The following PATL2 variants were observed in gnomAD, a reference collection of about 807,000 sequenced individuals.
PATL2 encodes PAT1 homolog 2.
In PATL2, 73 loss-of-function variants were observed where a neutral mutation model predicts 77.0. The observed-to-expected ratio is 0.95, with a 90% CI of 0.78 to 1.15. PATL2 has a LOEUF of 1.15. PATL2 is among the 50% of genes most tolerant of loss of function. PATL2 has a pLI of 0.00. For synonymous variants in PATL2, 265 were observed against 257.1 expected, an observed-to-expected ratio of 1.03 and a Z score of -0.29; for missense variants, 618 against 655.4, an observed-to-expected ratio of 0.94 and a Z score of 0.62.
At position 44,710,240 on chromosome 15, in the gene PATL2, A is replaced by T. The variant is rs2086826617; in HGVS notation, c.-194-26T>A. ...CTAAAAATATGTAAAAGAAACCTAG[A>T]AGTTATTTGTTGTGCTCCTTGGGGA... On this transcript the variant is annotated intron_variant, in intron 2 of 17. Transcript: ENST00000682850. Among the ~76,000 whole-genome samples the T allele has an allele frequency of 4.6e-5, 7 of 152,218 alleles. No homozygotes were observed. In the South Asian group the frequency reaches 1.4e-3, roughly 32 times the overall value.
chr15:44,702,880 C>T (rs1454457043), intron 3 of PATL2, among the ~76,000 whole-genome samples: 1 of 152,030 alleles, frequency 6.6e-6, no homozygotes, highest in African/African-American at 2.4e-5. Context: ...TTTTTTAAGA[C>T]TTATTTTGTG....
chr15:44,666,538 T>C lies in PATL2; in HGVS notation c.1467A>G (p.Thr489=). 1 of 1,525,990 alleles carries C rather than the reference T, an allele frequency of 6.6e-7. No homozygotes were observed. Among genetic ancestry groups the C allele is most frequent in the Admixed American group, 2.3e-5 (1 of 43,936 alleles). The allele number at this position is 1,525,990 out of a possible 1,614,324, so 94.5% of individuals were successfully genotyped here. A position where few individuals can be genotyped will look rare whatever the true frequency, so the allele number is the denominator to read the frequency against. ...EEPNSDHTAW[T]DMVVLIAWEI... is the part of the protein sequence containing the mutation. ...CCCAGGCAATCAGAACCACCATGTCTGTCCTAGAGAGCATAAATATAAATA... is the reference window on the plus strand; with the variant it reads ...CCCAGGCAATCAGAACCACCATGTCCGTCCTAGAGAGCATAAATATAAATA... Residue 489 remains threonine, a synonymous_variant, in exon 17 of 18, where the codon ACA becomes ACG. Coordinates refer to ENST00000682850, the MANE Select transcript of PATL2 (RefSeq NM_001387263.1).
At chr15:44,668,258 G>C in intron 15 of PATL2, 84 bp downstream of exon 15, 2 of 1,417,170 alleles carry the variant, frequency 1.4e-6, no homozygotes, top group Non-Finnish European at 1.9e-6. Flanking sequence ...TTTGTGTAGA[G>C]ATGAGACTGT....
intron 11 of PATL2, 75 bp from the exon 12 acceptor site, chr15:44,669,638 G>T: frequency 6.6e-7 from 1 of 1,521,928 alleles, no homozygotes; most frequent in South Asian, 1.2e-5. Context: ...CAACTAGCTA[G>T]AGATTGAGCT....
chr15:44,666,983 T>C (rs1046076741), intron 16 of PATL2, 123 bp downstream of exon 16: 2 of 759,852 alleles, frequency 2.6e-6, no homozygotes, highest in East Asian at 2.7e-5. Context: ...ACAACACTGC[T>C]ACTACTTTCT....
chr15:44,672,495 C>T lies in PATL2; in HGVS notation c.447-39G>A, dbSNP rs117505434. The T allele has an allele frequency of 8.9e-3, 13,501 of 1,514,374 alleles. 79 individuals carry two copies. Among genetic ancestry groups the T allele is most frequent in the Non-Finnish European group, 0.011 (11,741 of 1,113,596 alleles). The allele number at this position is 1,514,374 out of a possible 1,614,324, so 93.8% of individuals were successfully genotyped here. A position where few individuals can be genotyped will look rare whatever the true frequency, so the allele number is the denominator to read the frequency against. On this transcript the variant is annotated intron_variant, in intron 7 of 17. Transcript: ENST00000682850. ...AAGTAACGAGCTGGGTGGAAGGAAG[C>T]TCTCAGTTCTCTGCCCCCTCCATTC...
intron 5 of PATL2, 43 bp downstream of exon 5, chr15:44,675,443 A>G: frequency 4.0e-6 from 6 of 1,517,020 alleles, no homozygotes; most frequent in Non-Finnish European, 5.3e-6. Context: ...TGAGCCACAG[A>G]CAGTTCAGGA....
chr15:44,692,867 G>C (rs1233819120), intron 3 of PATL2, among the ~76,000 whole-genome samples: 1 of 152,274 alleles, frequency 6.6e-6, no homozygotes, highest in Non-Finnish European at 1.5e-5. Context: ...AGCACTGCCA[G>C]GACTCTGGCC....
intron 3 of PATL2, among the ~76,000 whole-genome samples, chr15:44,679,785 T>C (rs1595975205): frequency 6.6e-6 from 1 of 152,174 alleles, no homozygotes; most frequent in Non-Finnish European, 1.5e-5. Context: ...TAAAGAACCA[T>C]GTATGTCAGG....
chr15:44,692,510 G>A (rs1024047384), intron 3 of PATL2, among the ~76,000 whole-genome samples: 2 of 152,152 alleles, frequency 1.3e-5, no homozygotes, highest in Non-Finnish European at 2.9e-5. Context: ...CCTCCTGATG[G>A]GGCTAATTTC....
chr15:44,677,577 C>T (rs1047254190), intron 3 of PATL2, among the ~76,000 whole-genome samples: 9 of 152,200 alleles, frequency 5.9e-5, no homozygotes, highest in African/African-American at 1.9e-4. Flanking sequence ...TCCCAAGTCT[C>T]ATCTAACCCT....
intron 3 of PATL2, 70 bp from the exon 4 acceptor site, chr15:44,676,635 C>G: frequency 7.2e-7 from 1 of 1,379,868 alleles, no homozygotes; most frequent in South Asian, 1.3e-5. Flanking sequence ...CTAAAACAGC[C>G]ATGGAATCCT....
intron 3 of PATL2, among the ~76,000 whole-genome samples, chr15:44,708,325 A>C (rs953391297): frequency 6.6e-6 from 1 of 152,226 alleles, no homozygotes; most frequent in Non-Finnish European, 1.5e-5. Flanking sequence ...CACCTCCCCT[A>C]GCTATGTCCT....
At chr15:44,671,902 C>T in intron 9 of PATL2, 113 bp downstream of exon 9, 5 of 1,321,716 alleles carry the variant, frequency 3.8e-6, no homozygotes, top group Non-Finnish European at 5.1e-6. Flanking sequence ...GATTCTCTCT[C>T]CCACCTGAAC....
chr15:44,701,700 A>G, intron 3 of PATL2, among the ~76,000 whole-genome samples: 1 of 144,184 alleles, frequency 6.9e-6, no homozygotes, highest in Non-Finnish European at 1.5e-5. Flanking sequence ...CCCTGTCTCA[A>G]AAAAAAAAAA....
chr15:44,668,807 C>G (rs1049493060), intron 14 of PATL2, among the ~76,000 whole-genome samples, 173 bp downstream of exon 14: 1 of 152,208 alleles, frequency 6.6e-6, no homozygotes, highest in Admixed American at 6.5e-5. Context: ...GAAGATGATC[C>G]ACTGTTCCTA....
rs774063407 is a variant in PATL2, at chr15:44,676,520, C to T, written c.-30G>A. 7.1e-6 allele frequency: 11 copies of T among 1,551,368 alleles called. No homozygotes were observed. In the East Asian group the frequency reaches 2.4e-4, roughly 34 times the overall value. ...GCAGGCTGGTGGACTTCCTTCTTAG[C>T]CGTGTCCTCCAGTGAAACAGCATTG... On this transcript the variant is annotated 5_prime_UTR_variant, in exon 4 of 18. Transcript: ENST00000682850.
chr15:44,694,956 C>T (rs1448461291), intron 3 of PATL2, among the ~76,000 whole-genome samples: 4 of 152,044 alleles, frequency 2.6e-5, no homozygotes, highest in African/African-American at 4.8e-5. Flanking sequence ...AAAGAGTCAT[C>T]GTCCACCACC....
intron 3 of PATL2, among the ~76,000 whole-genome samples, chr15:44,702,129 G>A (rs2086642638): frequency 6.6e-6 from 1 of 152,082 alleles, no homozygotes; most frequent in South Asian, 2.1e-4. Flanking sequence ...GTAACATTTA[G>A]CAGTGAAGAC....
Sources: gnomAD v4.1 joint callset for allele counts (sites outside exome capture counted in the v4.1 genomes callset) on GRCh38, gnomAD v4.1.1 for gene constraint, MANE v1.5 for transcripts, NCBI Gene and HGNC (gene_info 2026-07-23, HGNC 2026-07-21) for gene names.